Variants in PCDHA2 observed in about 807,000 individuals in gnomAD.
The protein encoded by PCDHA2 is protocadherin alpha-2.
A neutral mutation model predicts 66.0 loss-of-function variants in PCDHA2; 58 were observed. The ratio of observed to expected loss-of-function variants is 0.88; its 90% CI spans 0.71 to 1.09. The LOEUF is 1.09. PCDHA2 is among the 50% of genes least tolerant of loss of function. The pLI, the probability that PCDHA2 is intolerant of heterozygous loss-of-function variation, is 0.00. For missense variants in PCDHA2, 1,267 were observed against 1,242.3 expected (o/e 1.02, Z -0.30); for synonymous variants, 634 against 554.0 (o/e 1.14, Z -2.03).
At position 140,796,322 on chromosome 5, in the gene PCDHA2, C is replaced by T; in HGVS notation, c.1358C>T (p.Pro453Leu). ...GTGGCCGACGTGAACGACAACGCGCCGGCGTTCGCACAGCCTGAGTACACA... is the reference window on the plus strand; with the variant it reads ...GTGGCCGACGTGAACGACAACGCGCTGGCGTTCGCACAGCCTGAGTACACA... Reference protein sequence around the residue: ...IEVADVNDNAPAFAQPEYTVF... With the variant: ...IEVADVNDNALAFAQPEYTVF... The change falls in exon 1 of 4, where the codon CCG becomes CTG. Residue 453 changes from proline to leucine, a missense_variant. Physicochemically the swap from Pro to Leu is moderately conservative, Grantham distance 98. Coordinates refer to ENST00000526136, the MANE Select transcript of PCDHA2 (RefSeq NM_018905.3). 1.2e-6 allele frequency: 2 copies of T among 1,614,068 alleles called. No individual in the cohort carries two copies. Among genetic ancestry groups the T allele is most frequent in the Non-Finnish European group, 1.7e-6 (2 of 1,179,990 alleles).
chr5:140,841,456 G>T (rs2150315881), intron 1 of PCDHA2: 1 of 1,612,922 alleles, frequency 6.2e-7, no homozygotes, highest in South Asian at 1.1e-5. Context: ...GCACCTTCGT[G>T]GGCCGGATCG....
In PCDHA2 at chr5:140,826,188, T is replaced by C. The variant is rs2150142872; in HGVS notation, c.2388+28836T>C. ...TTTTTGTCATTCTATAAATCTAAAG[T>C]TAACAATGGTCACATTTTAAAAAAT... On this transcript the variant is annotated intron_variant, in intron 1 of 3. Coordinates refer to ENST00000526136, the MANE Select transcript of PCDHA2 (RefSeq NM_018905.3). Among the ~76,000 whole-genome samples, 10 of 152,348 alleles carry C rather than the reference T, an allele frequency of 6.6e-5. No homozygotes were observed. The East Asian group carries it at 1.9e-3, about 29-fold the overall frequency.
At chr5:140,957,895 A>G (rs1169291586) in intron 1 of PCDHA2, among the ~76,000 whole-genome samples, 1 of 152,118 alleles carries the variant, frequency 6.6e-6, no homozygotes, top group African/African-American at 2.4e-5. Flanking sequence ...GTTGGCATCA[A>G]CCAAGGCATA....
chr5:140,920,282 T>C (rs1554199556), intron 1 of PCDHA2, among the ~76,000 whole-genome samples: 1 of 152,218 alleles, frequency 6.6e-6, no homozygotes, highest in African/African-American at 2.4e-5. Context: ...TAATCTTATA[T>C]TTTTTAGAGG....
intron 1 of PCDHA2, among the ~76,000 whole-genome samples, chr5:140,938,740 A>T (rs1308554709): frequency 1.3e-5 from 2 of 152,150 alleles, no homozygotes; most frequent in East Asian, 3.8e-4. Flanking sequence ...AAAAATAATT[A>T]TTTTTAAAGG....
At chr5:140,914,782 G>T (rs563426406) in intron 1 of PCDHA2, among the ~76,000 whole-genome samples, 3 of 151,862 alleles carry the variant, frequency 2.0e-5, no homozygotes, top group Non-Finnish European at 4.4e-5. Context: ...CTTATCTTAT[G>T]ACCCATTATT....
At chr5:140,801,486 G>T (rs1392326756) in intron 1 of PCDHA2, 2 of 1,614,122 alleles carry the variant, frequency 1.2e-6, no homozygotes, top group African/African-American at 2.7e-5. Flanking sequence ...GGAACTGTGC[G>T]GGCGGAGCGC....
intron 1 of PCDHA2, chr5:140,834,139 T>C (rs1487804482): frequency 6.0e-6 from 3 of 498,162 alleles, no homozygotes; most frequent in Non-Finnish European, 7.0e-6. Flanking sequence ...ATCTGATTAA[T>C]AGTTTGTAAT....
chr5:140,808,972 C>A (rs1253536001), intron 1 of PCDHA2: 5 of 1,613,490 alleles, frequency 3.1e-6, no homozygotes, highest in Non-Finnish European at 4.2e-6. Context: ...CAAAGGTGCG[C>A]GCGGTGGATG....
chr5:140,820,357 T>C (rs1476872263), intron 1 of PCDHA2, among the ~76,000 whole-genome samples: 1 of 152,044 alleles, frequency 6.6e-6, no homozygotes, highest in Non-Finnish European at 1.5e-5. Flanking sequence ...GAATTTCCTC[T>C]GACTTTGCAT....
chr5:140,998,755 A>G (rs940678929), intron 3 of PCDHA2, among the ~76,000 whole-genome samples: 2 of 152,062 alleles, frequency 1.3e-5, no homozygotes, highest in African/African-American at 4.8e-5. Flanking sequence ...GAAGAGACAC[A>G]GTTTCACTAT....
intron 1 of PCDHA2, chr5:140,862,204 A>C: frequency 5.7e-6 from 1 of 176,474 alleles, no homozygotes; most frequent in Non-Finnish European, 1.2e-5. Flanking sequence ...ATGTTTGATC[A>C]CTGCACAGAC....
Position 141,011,124 on chromosome 5 carries a change from G to A in PCDHA2, c.*1187G>A, listed in dbSNP as rs893951024. ...TCTCTCTTTTCTAAGAAACAATTAT[G>A]TGCACTTTGATACACAACCTTCTCT... On this transcript the variant is annotated 3_prime_UTR_variant, in exon 4 of 4. Transcript: ENST00000526136. 1 of 153,618 alleles carries A rather than the reference G, an allele frequency of 6.5e-6. No individual in the cohort carries two copies. The highest frequency in any genetic ancestry group is 2.4e-5 in the African/African-American group (1 of 41,382). 9.5% of individuals were successfully genotyped at this position (153,618 alleles called of 1,614,324 possible).
At chr5:140,861,094 C>G (rs1554154151) in intron 1 of PCDHA2, 1 of 152,400 alleles carries the variant, frequency 6.6e-6, no homozygotes, top group African/African-American at 2.4e-5. Context: ...CTCCATTGTT[C>G]CTGTACTTTA....
At chr5:140,834,764 C>T (rs2150225831) in intron 1 of PCDHA2, 2 of 1,614,098 alleles carry the variant, frequency 1.2e-6, no homozygotes, top group East Asian at 2.2e-5. Flanking sequence ...AGGACATTAA[C>T]GACAACCCTC....
chr5:140,857,262 CAT>C, intron 1 of PCDHA2: 1 of 1,598,710 alleles, frequency 6.3e-7, no homozygotes, highest in Non-Finnish European at 8.6e-7. Flanking sequence ...AATTACTACT[CAT>C]TGGTGCTGGA....
intron 1 of PCDHA2, among the ~76,000 whole-genome samples, chr5:140,907,205 G>T (rs549918744): frequency 2.0e-5 from 3 of 152,196 alleles, no homozygotes; most frequent in East Asian, 3.9e-4. Context: ...GGAGAATTTT[G>T]CCCCAGCCCT....
At chr5:140,888,426 C>G (rs1315110358) in intron 1 of PCDHA2, among the ~76,000 whole-genome samples, 1 of 152,168 alleles carries the variant, frequency 6.6e-6, no homozygotes, top group Non-Finnish European at 1.5e-5. Flanking sequence ...CTACCGTGCA[C>G]AGGACAGCCG....
At chr5:140,884,148 A>G in intron 1 of PCDHA2, 3 of 1,613,432 alleles carry the variant, frequency 1.9e-6, no homozygotes, top group Non-Finnish European at 2.5e-6. Context: ...GTGGGGCTGT[A>G]CACTGGCGAG....
Sources: gnomAD v4.1 joint callset for allele counts (sites outside exome capture counted in the v4.1 genomes callset) on GRCh38, gnomAD v4.1.1 for gene constraint, MANE v1.5 for transcripts, NCBI Gene and HGNC (gene_info 2026-07-23, HGNC 2026-07-21) for gene names.